The following RTN3 variants were observed in gnomAD, a reference collection of about 807,000 sequenced individuals.
The protein encoded by RTN3 is reticulon 3, also known as reticulon-3.
Under a neutral mutation model 77.8 loss-of-function variants are expected in RTN3, and 49 were observed. That is an observed-to-expected ratio of 0.63 (90% CI 0.50 to 0.80). The LOEUF is 0.80. Among genes scored for constraint, RTN3 ranks in the 30% least tolerant of loss-of-function variants. The pLI is 0.00. For missense variants in RTN3, 1,236 were observed against 1,211.9 expected (o/e 1.02, Z -0.29); for synonymous variants, 464 against 446.9 (o/e 1.04, Z -0.48).
chr11:63,758,140 C>A lies in RTN3; in HGVS notation c.3054-16C>A. On this transcript the variant is annotated splice_polypyrimidine_tract_variant and intron_variant, in intron 8 of 8. Transcript: ENST00000377819. The stretch of plus-strand genomic sequence containing the variant: ...TGTTTTCACTTTCTTTCTTTTTCCC[C>A]TCCTTTTCTCAATAGGATCCAAGCA... 2.0e-6 allele frequency: 3 copies of A among 1,535,356 alleles called. No individual in the cohort carries two copies. The highest frequency in any genetic ancestry group is 2.7e-6 in the Non-Finnish European group (3 of 1,128,150).
chr11:63,745,754 T>C (rs748035261), intron 3 of RTN3, among the ~76,000 whole-genome samples: 8 of 152,242 alleles, frequency 5.3e-5, no homozygotes, highest in East Asian at 1.9e-4. Context: ...CTATTTCTTA[T>C]GAGTTTTCCA....
In RTN3 at chr11:63,759,879, A is replaced by G. The variant is rs2014582429; in HGVS notation, c.*1678A>G. 6.7e-6 allele frequency: 1 copy of G among 149,266 alleles called. No individual in the cohort carries two copies. The highest frequency in any genetic ancestry group is 6.6e-5 in the Admixed American group (1 of 15,068). 9.2% of individuals were successfully genotyped at this position (149,266 alleles called of 1,614,324 possible). A position where few individuals can be genotyped will look rare whatever the true frequency, so the allele number is the denominator to read the frequency against. ...TGATGTGGTATTAATAAAAAAAAAA[A>G]AAACACAAACAATGACTGTGGCATC... On this transcript the variant is annotated 3_prime_UTR_variant, in exon 9 of 9. Coordinates refer to ENST00000377819, the MANE Select transcript of RTN3 (RefSeq NM_001265589.2).
rs1251751829 is a variant in RTN3, at chr11:63,719,790, G to T, written c.1288G>T (p.Glu430Ter). The T allele has an allele frequency of 1.2e-6, 2 of 1,614,132 alleles. No homozygotes were observed. Among genetic ancestry groups the T allele is most frequent in the Non-Finnish European group, 1.7e-6 (2 of 1,180,034 alleles). ...ACCTGACTCTTTGAATTCCACAAAA[G>T]AATTCAGTATCAAAGGTGTGCAAGG... is the stretch of plus-strand genomic sequence containing the variant. The part of the protein sequence containing the change: ...PVPDSLNSTK[E>*]FSIKGVQGNM... The change falls in exon 3 of 9, where the codon GAA becomes TAA. Residue 430 changes from glutamate to a stop codon, truncating the protein, a stop_gained. Transcript: ENST00000377819. LOFTEE classifies it high-confidence loss of function.
At position 63,719,392 on chromosome 11, in the gene RTN3, T is replaced by C. The variant is rs765776716; in HGVS notation, c.890T>C (p.Leu297Pro). 8.1e-6 allele frequency: 13 copies of C among 1,614,170 alleles called. No homozygotes were observed. In the South Asian group the frequency reaches 1.3e-4, roughly 16 times the overall value. ...GAGACTAATGACAAGCTTTTTCCAC[T>C]GAGAAATAAAGAGGCAGGACGTTAC... Reference protein sequence around the residue: ...ISETNDKLFPLRNKEAGRYPM... With the variant: ...ISETNDKLFPPRNKEAGRYPM... The change falls in exon 3 of 9, where the codon CTG becomes CCG. Residue 297 changes from leucine to proline, a missense_variant. Around this residue, in one of 3 missense-constraint regions of RTN3, gnomAD observed 1,056 missense variants for 990.4 expected, o/e 1.07. Transcript: ENST00000377819.
chr11:63,743,240 A>G (rs113365062), intron 3 of RTN3, among the ~76,000 whole-genome samples: 17 of 152,114 alleles, frequency 1.1e-4, no homozygotes, highest in African/African-American at 3.9e-4. Context: ...AACCTTTAAT[A>G]CAGTGTTAAA....
chr11:63,704,258 T>G (rs1247516606), intron 1 of RTN3, among the ~76,000 whole-genome samples: 1 of 151,922 alleles, frequency 6.6e-6, no homozygotes, highest in African/African-American at 2.4e-5. Flanking sequence ...CTGCCTCAGC[T>G]TCCCAAAGTG....
chr11:63,696,877 CTTTCTTTTTTTTT>C (rs1941978108), intron 1 of RTN3, among the ~76,000 whole-genome samples: 1 of 52,208 alleles, frequency 1.9e-5, no homozygotes, highest in Non-Finnish European at 3.6e-5. Flanking sequence ...TTCTTTCTTT[CTTTCTTTTTTTTT>C]TTTTTTTTTT....
In RTN3 at chr11:63,757,447, CCTCCCTTG is replaced by C. The variant is rs1181445150; in HGVS notation, c.3054-704_3054-697del. Among the ~76,000 whole-genome samples, 8 of 151,910 alleles carry C rather than the reference CCTCCCTTG, an allele frequency of 5.3e-5. No homozygotes were observed. In the South Asian group the frequency reaches 6.2e-4, roughly 12 times the overall value. Reference sequence around the variant, plus strand: ...AGCTCACTGCAGCCTTGACCTCTGACCTCCCTTGCTCCAAGTGATCCTCCCACCCCAGC... The same window carrying C: ...AGCTCACTGCAGCCTTGACCTCTGACCTCCAAGTGATCCTCCCACCCCAGC... On this transcript the variant is annotated intron_variant, in intron 8 of 8. Transcript: ENST00000377819.
At chr11:63,743,910 C>T (rs539394743) in intron 3 of RTN3, among the ~76,000 whole-genome samples, 1 of 151,798 alleles carries the variant, frequency 6.6e-6, no homozygotes, top group East Asian at 1.9e-4. Flanking sequence ...ACTGAGACTC[C>T]GTCTCAAAAC....
intron 1 of RTN3, among the ~76,000 whole-genome samples, chr11:63,703,691 C>T (rs557732337): frequency 5.9e-4 from 90 of 151,754 alleles, no homozygotes; most frequent in Middle Eastern, 3.4e-3. Context: ...TACAGGCGCC[C>T]GCCACCACGC....
chr11:63,693,335 T>A (rs981089015), intron 1 of RTN3, among the ~76,000 whole-genome samples: 3 of 151,924 alleles, frequency 2.0e-5, no homozygotes, highest in Non-Finnish European at 4.4e-5. Context: ...AATACAAAAT[T>A]AGCTGGGCAT....
At chr11:63,683,475 G>T (rs1941176509) in intron 1 of RTN3, among the ~76,000 whole-genome samples, 1 of 152,176 alleles carries the variant, frequency 6.6e-6, no homozygotes, top group Admixed American at 6.5e-5. Context: ...GATGTTAAGT[G>T]TTGAAGAGTC....
At chr11:63,722,557 G>C (rs747779293) in intron 3 of RTN3, among the ~76,000 whole-genome samples, 5 of 152,128 alleles carry the variant, frequency 3.3e-5, no homozygotes, top group Non-Finnish European at 7.4e-5. Flanking sequence ...ATTATTTGTT[G>C]AATGAATGAT....
chr11:63,717,130 C>T (rs1051995329), intron 2 of RTN3, among the ~76,000 whole-genome samples: 1 of 152,000 alleles, frequency 6.6e-6, no homozygotes, highest in Non-Finnish European at 1.5e-5. Flanking sequence ...ACCACTGGCA[C>T]TCCAGCCTGG....
At chr11:63,718,273 G>GCTT (rs1450813812) in intron 2 of RTN3, among the ~76,000 whole-genome samples, 2 of 152,116 alleles carry the variant, frequency 1.3e-5, no homozygotes, top group African/African-American at 4.8e-5. Context: ...GAATTGTTCA[G>GCTT]CTTACAGATT....
chr11:63,721,709 C>T (rs904768746), intron 3 of RTN3, among the ~76,000 whole-genome samples: 1 of 151,842 alleles, frequency 6.6e-6, no homozygotes. Flanking sequence ...ATTTACAAAG[C>T]TTGTTTTTAA....
At chr11:63,689,256 T>A (rs1016880118) in intron 1 of RTN3, among the ~76,000 whole-genome samples, 6 of 152,198 alleles carry the variant, frequency 3.9e-5, no homozygotes, top group African/African-American at 1.4e-4. Flanking sequence ...AATTAGCAGG[T>A]CGATATTTTG....
chr11:63,722,066 A>G (rs1368243625), intron 3 of RTN3, among the ~76,000 whole-genome samples: 1 of 152,144 alleles, frequency 6.6e-6, no homozygotes, highest in African/African-American at 2.4e-5. Flanking sequence ...CAGTTAGATT[A>G]CTGCAAATGC....
intron 2 of RTN3, among the ~76,000 whole-genome samples, chr11:63,712,833 C>T (rs2011201061): frequency 6.6e-6 from 1 of 152,122 alleles, no homozygotes; most frequent in African/African-American, 2.4e-5. Flanking sequence ...CAATGGCTCA[C>T]ACTTGTAATC....
Sources: allele counts gnomAD v4.1 joint callset (sites outside exome capture counted in the v4.1 genomes callset), GRCh38; gene constraint gnomAD v4.1.1; regional missense constraint gnomAD v4.1.1; transcripts MANE v1.5; gene names NCBI Gene and HGNC (gene_info 2026-07-23, HGNC 2026-07-21).